The following NRG2 variants were observed in gnomAD, a reference collection of about 807,000 sequenced individuals.
NRG2 encodes the protein pro-neuregulin-2, membrane-bound isoform.
A neutral mutation model predicts 73.9 loss-of-function variants in NRG2; 27 were observed. The ratio of observed to expected loss-of-function variants is 0.37; its 90% CI spans 0.27 to 0.50. NRG2 has a LOEUF of 0.50. NRG2 is among the 20% of genes least tolerant of loss of function. The pLI, the probability that NRG2 is intolerant of heterozygous loss-of-function variation, is 0.96. For missense variants in NRG2, 1,126 were observed against 1,210.1 expected, an observed-to-expected ratio of 0.93 and a Z score of 1.03; for synonymous variants, 532 against 541.0, an observed-to-expected ratio of 0.98 and a Z score of 0.23.
At chr5:139,931,557 T>C (rs988997547) in intron 1 of NRG2, among the ~76,000 whole-genome samples, 2 of 152,190 alleles carry the variant, frequency 1.3e-5, no homozygotes, top group Non-Finnish European at 2.9e-5. Flanking sequence ...CAAGTTAATT[T>C]TGAAGGAACT....
At chr5:139,989,944 A>G (rs1052118353) in intron 1 of NRG2, among the ~76,000 whole-genome samples, 2 of 150,242 alleles carry the variant, frequency 1.3e-5, no homozygotes, top group African/African-American at 4.9e-5. Flanking sequence ...GCCCACCACC[A>G]CGCCCAGCTA....
chr5:140,019,228 C>G (rs1338620697), intron 1 of NRG2, among the ~76,000 whole-genome samples: 1 of 152,208 alleles, frequency 6.6e-6, no homozygotes, highest in Non-Finnish European at 1.5e-5. Flanking sequence ...GAATCAGAAG[C>G]CACTGGAAGC....
intron 3 of NRG2, among the ~76,000 whole-genome samples, chr5:139,879,977 T>C (rs1763422930): frequency 6.6e-6 from 1 of 152,122 alleles, no homozygotes; most frequent in South Asian, 2.1e-4. Context: ...ATGCTAGGTT[T>C]AGGGCATATT....
In NRG2 at chr5:139,847,869, C is replaced by T. The variant is rs1761089267; in HGVS notation, c.*48G>A. On this transcript the variant is annotated 3_prime_UTR_variant, in exon 10 of 10. Coordinates refer to ENST00000361474, the MANE Select transcript of NRG2 (RefSeq NM_004883.3). ...CTCTCCAGTAGGCGGTCTCTGGTCT[C>T]CTTAAAGATAGTGGGGCGGGCGGGG... 1 of 1,284,608 alleles carries T rather than the reference C, an allele frequency of 7.8e-7. No individual in the cohort carries two copies. Among genetic ancestry groups the T allele is most frequent in the Non-Finnish European group, 1.0e-6 (1 of 989,274 alleles). 79.6% of individuals were successfully genotyped at this position (1,284,608 alleles called of 1,614,324 possible).
chr5:140,034,089 G>T (rs1165928690), intron 1 of NRG2, among the ~76,000 whole-genome samples: 1 of 152,000 alleles, frequency 6.6e-6, no homozygotes, highest in African/African-American at 2.4e-5. Context: ...CTCCCCAGTA[G>T]CTGGGACTAC....
Position 139,880,967 on chromosome 5 carries a change from A to C in NRG2, c.880T>G (p.Ser294Ala). The C allele has an allele frequency of 6.2e-7, 1 of 1,613,826 alleles. No homozygotes were observed. The part of the protein sequence containing the change: ...RIKYGNGRKN[S>A]RLQFNKVKVE... Reference sequence around the variant, plus strand: ...TTCACCTTGTTGAACTGTAGTCGTGAGTTCTTTCTGGTTAGGGAGGGGATA... The same window carrying C: ...TTCACCTTGTTGAACTGTAGTCGTGCGTTCTTTCTGGTTAGGGAGGGGATA... Residue 294 changes from serine (S) to alanine (A), a missense_variant, in exon 3 of 10, where the codon TCA (serine) becomes GCA (alanine). Ser to Ala is a moderately conservative substitution (Grantham distance 99). Around this residue, in one of 3 missense-constraint regions of NRG2, gnomAD observed 539 missense variants for 703.2 expected, o/e 0.77. Coordinates refer to ENST00000361474, the MANE Select transcript of NRG2 (RefSeq NM_004883.3).
intron 1 of NRG2, among the ~76,000 whole-genome samples, chr5:139,958,180 A>T (rs1317142814): frequency 6.6e-6 from 1 of 152,108 alleles, no homozygotes; most frequent in Non-Finnish European, 1.5e-5. Flanking sequence ...GAAATAGGCA[A>T]AGACCACTAG....
intron 1 of NRG2, among the ~76,000 whole-genome samples, chr5:139,896,093 G>C (rs1297140560): frequency 1.3e-5 from 2 of 152,122 alleles, no homozygotes; most frequent in Non-Finnish European, 1.5e-5. Context: ...GTTGGGGAAA[G>C]GGGGAGGCAC....
intron 1 of NRG2, among the ~76,000 whole-genome samples, chr5:139,938,681 TAATC>T (rs1002285206): frequency 3.3e-5 from 5 of 151,768 alleles, no homozygotes; most frequent in Non-Finnish European, 7.4e-5. Context: ...AAAGTTAAAA[TAATC>T]AAGAATGTAG....
rs138204706 is a variant in NRG2, at chr5:139,934,421, T to C, written c.701-46910A>G. On this transcript the variant is annotated intron_variant, in intron 1 of 9. Transcript: ENST00000361474. ...TTATACTATACATAAAATGGTACCA[T>C]GTTACTTGAAGATAGACTGGTAAGT... Among the ~76,000 whole-genome samples, 38 of 152,258 alleles carry C rather than the reference T, an allele frequency of 2.5e-4. No homozygotes were observed. In the East Asian group the frequency reaches 6.4e-3, roughly 26 times the overall value.
chr5:139,984,488 A>G (rs1318377293), intron 1 of NRG2, among the ~76,000 whole-genome samples: 2 of 152,210 alleles, frequency 1.3e-5, no homozygotes, highest in African/African-American at 4.8e-5. Context: ...TATTGTTCCA[A>G]TTTTAGTATA....
Position 139,848,027 on chromosome 5 carries a change from C to T in NRG2, c.2443G>A (p.Ala815Thr). ...GAGTAGTAAGTCCTGCTGTCGGCCGCCGGGCACAGTGGCGGCGAGTCCGAG... is the reference window on the plus strand; with the variant it reads ...GAGTAGTAAGTCCTGCTGTCGGCCGTCGGGCACAGTGGCGGCGAGTCCGAG... ...LRSDSPPLCP[A>T]ADSRTYYSLD... The change falls in exon 10 of 10, where the codon GCG becomes ACG. Residue 815 changes from alanine (A) to threonine (T), a missense_variant. Coordinates refer to ENST00000361474, the MANE Select transcript of NRG2 (RefSeq NM_004883.3). 6.6e-7 allele frequency: 1 copy of T among 1,510,616 alleles called. No homozygotes were observed. Among genetic ancestry groups the T allele is most frequent in the Non-Finnish European group, 8.8e-7 (1 of 1,134,678 alleles). 93.6% of individuals were successfully genotyped at this position (1,510,616 alleles called of 1,614,324 possible).
chr5:139,965,222 G>A (rs1341698624), intron 1 of NRG2, among the ~76,000 whole-genome samples: 1 of 152,234 alleles, frequency 6.6e-6, no homozygotes, highest in Admixed American at 6.5e-5. Context: ...ATGGTCCAGA[G>A]TGGAACTACG....
chr5:139,889,871 C>A (rs1212454537), intron 1 of NRG2, among the ~76,000 whole-genome samples: 1 of 152,158 alleles, frequency 6.6e-6, no homozygotes, highest in Non-Finnish European at 1.5e-5. Flanking sequence ...ATAGCTCTTA[C>A]CTCTTGGGAT....
intron 1 of NRG2, among the ~76,000 whole-genome samples, chr5:139,995,646 A>G (rs981455830): frequency 1.5e-4 from 23 of 152,138 alleles, no homozygotes; most frequent in African/African-American, 4.8e-4. Context: ...AATATTCCCC[A>G]CAAAATAAGG....
chr5:139,887,245 G>T lies in NRG2; in HGVS notation c.872+95C>A. 1 of 1,437,870 alleles carries T rather than the reference G, an allele frequency of 7.0e-7. No homozygotes were observed. The highest frequency in any genetic ancestry group is 9.6e-7 in the Non-Finnish European group (1 of 1,038,304). The allele number at this position is 1,437,870 out of a possible 1,614,324, so 89.1% of individuals were successfully genotyped here. ...GGACTGGTTCCATGGGTGAGTCTGGGGGCACAGCCCTGGCCTCTGCCCAGT... is the reference window on the plus strand; with the variant it reads ...GGACTGGTTCCATGGGTGAGTCTGGTGGCACAGCCCTGGCCTCTGCCCAGT... On this transcript the variant is annotated intron_variant, in intron 2 of 9. Coordinates refer to ENST00000361474, the MANE Select transcript of NRG2 (RefSeq NM_004883.3). The surrounding 1 kb of genome is among the most constrained non-coding windows in gnomAD (Gnocchi z 4.5).
In NRG2 at chr5:139,915,291, T is replaced by A. The variant is rs948307081; in HGVS notation, c.701-27780A>T. On this transcript the variant is annotated intron_variant, in intron 1 of 9. Transcript: ENST00000361474. The surrounding 1 kb of genome is among the most constrained non-coding windows in gnomAD (Gnocchi z 4.0). ...GCTTTCCAGCCTTCTCTTTTCCTACTGAGATGGGGTGATTTCGTGGACACA... is the reference window on the plus strand; with the variant it reads ...GCTTTCCAGCCTTCTCTTTTCCTACAGAGATGGGGTGATTTCGTGGACACA... Among the ~76,000 whole-genome samples the A allele has an allele frequency of 6.6e-6, 1 of 152,196 alleles. No individual in the cohort carries two copies. Among genetic ancestry groups the A allele is most frequent in the African/African-American group, 2.4e-5 (1 of 41,436 alleles).
At chr5:139,971,467 G>T (rs1755965432) in intron 1 of NRG2, among the ~76,000 whole-genome samples, 1 of 152,146 alleles carries the variant, frequency 6.6e-6, no homozygotes, top group Admixed American at 6.5e-5. Flanking sequence ...GGAATTGCGG[G>T]GAGGAGCTGT....
intron 6 of NRG2, among the ~76,000 whole-genome samples, chr5:139,854,255 C>T (rs1761674091): frequency 6.6e-6 from 1 of 152,246 alleles, no homozygotes; most frequent in South Asian, 2.1e-4. Context: ...GCATGCCAGG[C>T]CATTCACCTG....
Sources: allele counts gnomAD v4.1 joint callset (sites outside exome capture counted in the v4.1 genomes callset), GRCh38; gene constraint gnomAD v4.1.1; regional missense constraint gnomAD v4.1.1; non-coding constraint Gnocchi (gnomAD v3.1); transcripts MANE v1.5; gene names NCBI Gene and HGNC (gene_info 2026-07-23, HGNC 2026-07-21).